Variants in ACOT11 observed in about 807,000 individuals in gnomAD.
ACOT11 encodes acyl-coenzyme A thioesterase 11.
A neutral mutation model predicts 77.5 loss-of-function variants in ACOT11; 69 were observed. That is an observed-to-expected ratio of 0.89 (90% CI 0.73 to 1.09). The LOEUF (loss-of-function observed/expected upper bound fraction) is 1.09. Ranked by LOEUF, ACOT11 falls within the 50% of genes least tolerant of loss-of-function variation. The probability of loss-of-function intolerance (pLI) is 0.00; values close to 1 mark genes in which losing one functional copy is unlikely to be tolerated. For missense variants in ACOT11, 766 were observed against 813.7 expected (o/e 0.94, Z 0.71); for synonymous variants, 279 against 313.0 (o/e 0.89, Z 1.15).
rs970574007 is a variant in ACOT11, at chr1:54,623,551, G to T, written c.1630-7183G>T. On this transcript the variant is annotated intron_variant, in intron 15 of 16. Coordinates refer to the ACOT11 transcript ENST00000371316. Reference sequence around the variant, plus strand: ...GCAGCCCTGTAATATCCCCTCTGGAGATAACCCCTGAAGCCCCTCCTCCCT... The same window carrying T: ...GCAGCCCTGTAATATCCCCTCTGGATATAACCCCTGAAGCCCCTCCTCCCT... The T allele has an allele frequency of 4.6e-6, 3 of 649,264 alleles. No homozygotes were observed. The African/African-American group carries it at 5.4e-5, about 12-fold the overall frequency. The allele number at this position is 649,264 out of a possible 1,614,324, so 40.2% of individuals were successfully genotyped here.
Position 54,584,599 on chromosome 1 carries a change from G to A in ACOT11, c.34-56G>A. The A allele has an allele frequency of 6.5e-7, 1 of 1,537,714 alleles. No homozygotes were observed. Among genetic ancestry groups the A allele is most frequent in the Non-Finnish European group, 8.9e-7 (1 of 1,126,714 alleles). ...AGTTCTCAGGGCTGGACAGACCTGG[G>A]AGACCCTGCAGCAAGCAGACCTCTC... On this transcript the variant is annotated intron_variant, in intron 1 of 15. Transcript: ENST00000343744. The surrounding 1 kb of genome is among the most constrained non-coding windows in gnomAD (Gnocchi z 6.3).
At chr1:54,557,099 AT>A (rs1013094207) in intron 1 of ACOT11, among the ~76,000 whole-genome samples, 1 of 151,638 alleles carries the variant, frequency 6.6e-6, no homozygotes, top group Non-Finnish European at 1.5e-5. Flanking sequence ...ATTAAAAAAA[AT>A]TTTTATACTT....
intron 15 of ACOT11, among the ~76,000 whole-genome samples, chr1:54,620,845 C>CAA (rs767625864): frequency 0.047 from 565 of 12,092 alleles, 110 homozygotes; most frequent in African/African-American, 0.13. Flanking sequence ...GAGACTCTGT[C>CAA]AAAAAAAAAA....
intron 1 of ACOT11, among the ~76,000 whole-genome samples, chr1:54,563,031 G>C (rs1467494934): frequency 1.3e-5 from 2 of 150,576 alleles, no homozygotes; most frequent in Non-Finnish European, 1.5e-5. Flanking sequence ...CTGCAATCTC[G>C]GCACTTTGGG....
intron 1 of ACOT11, among the ~76,000 whole-genome samples, chr1:54,569,596 T>C (rs300279): frequency 0.56 from 85,137 of 151,944 alleles, 23,904 homozygotes; most frequent in South Asian, 0.58. Flanking sequence ...CGAAATGCAC[T>C]CCCTTCACCC....
At chr1:54,572,538 T>G (rs1009499578) in intron 1 of ACOT11, among the ~76,000 whole-genome samples, 5 of 152,224 alleles carry the variant, frequency 3.3e-5, no homozygotes, top group Admixed American at 2.6e-4. Flanking sequence ...ACATGGGTTC[T>G]GTACTGGGTG....
chr1:54,555,637 A>C (rs1435855747), intron 1 of ACOT11, among the ~76,000 whole-genome samples: 1 of 152,226 alleles, frequency 6.6e-6, no homozygotes, highest in African/African-American at 2.4e-5. Context: ...CCCTATCCAA[A>C]AAATTCTTAC....
intron 1 of ACOT11, chr1:54,548,637 C>T (rs1652958326): frequency 3.9e-6 from 2 of 514,812 alleles, no homozygotes; most frequent in Non-Finnish European, 6.9e-6. Flanking sequence ...TATGTTTCTC[C>T]CTGCAGAGTT....
chr1:54,580,949 A>G (rs775863612), intron 1 of ACOT11, among the ~76,000 whole-genome samples: 2 of 152,176 alleles, frequency 1.3e-5, no homozygotes, highest in Non-Finnish European at 2.9e-5. Flanking sequence ...GGAAACGTAT[A>G]TGGTCTGGAG....
chr1:54,634,319 G>A (rs890526224), intron 16 of ACOT11, among the ~76,000 whole-genome samples: 1 of 152,200 alleles, frequency 6.6e-6, no homozygotes, highest in African/African-American at 2.4e-5. Context: ...TTTTACAGAT[G>A]GGTCTAGTAA....
At chr1:54,572,318 A>C (rs1653953875) in intron 1 of ACOT11, among the ~76,000 whole-genome samples, 1 of 151,936 alleles carries the variant, frequency 6.6e-6, no homozygotes, top group African/African-American at 2.4e-5. Context: ...CTCCAGGGTA[A>C]ACAGAGTTGC....
chr1:54,611,700 C>T, downstream of ACOT11: 1 of 1,614,142 alleles, frequency 6.2e-7, no homozygotes, highest in African/African-American at 1.3e-5. Flanking sequence ...GCAGATCTTC[C>T]ACCGACATGG....
intron 1 of ACOT11, among the ~76,000 whole-genome samples, chr1:54,568,081 G>A (rs532148384): frequency 7.2e-5 from 11 of 152,218 alleles, no homozygotes; most frequent in African/African-American, 2.6e-4. Context: ...TCTGACAGCC[G>A]GTCCCTGCGC....
At chr1:54,586,862 C>T (rs1344690455) in intron 3 of ACOT11, among the ~76,000 whole-genome samples, 6 of 152,188 alleles carry the variant, frequency 3.9e-5, no homozygotes, top group Non-Finnish European at 8.8e-5. Flanking sequence ...CAGGCTGAGC[C>T]CTCAGCCCAG....
chr1:54,606,696 C>T (rs1644030155), intron 13 of ACOT11, among the ~76,000 whole-genome samples: 1 of 152,230 alleles, frequency 6.6e-6, no homozygotes, highest in Admixed American at 6.5e-5. Context: ...GCATTTAGAA[C>T]AGCACCTGGC....
chr1:54,593,726 C>G (rs1004079500), intron 4 of ACOT11, among the ~76,000 whole-genome samples: 23 of 152,104 alleles, frequency 1.5e-4, no homozygotes, highest in African/African-American at 5.6e-4. Flanking sequence ...AACTGAGACC[C>G]AGAGAAGGGA....
At chr1:54,576,736 A>T (rs1299743864) in intron 1 of ACOT11, among the ~76,000 whole-genome samples, 1 of 152,130 alleles carries the variant, frequency 6.6e-6, no homozygotes, top group Non-Finnish European at 1.5e-5. Context: ...TAGCTTGATT[A>T]ATTTTGTGAG....
At chr1:54,617,119 C>A (rs752414763) in intron 15 of ACOT11, among the ~76,000 whole-genome samples, 13 of 152,354 alleles carry the variant, frequency 8.5e-5, no homozygotes, top group Non-Finnish European at 1.9e-4. Context: ...ACTGAGTTAT[C>A]TTTTAGCTTC....
At chr1:54,585,939 C>A in intron 3 of ACOT11, 35 bp downstream of exon 3, 1 of 1,607,884 alleles carries the variant, frequency 6.2e-7, no homozygotes, top group Non-Finnish European at 8.5e-7. Context: ...GTCCTCTGGG[C>A]TCCCTCCCAT....
Sources: allele counts gnomAD v4.1 joint callset (sites outside exome capture counted in the v4.1 genomes callset), GRCh38; gene constraint gnomAD v4.1.1; non-coding constraint Gnocchi (gnomAD v3.1); transcripts MANE v1.5; gene names NCBI Gene and HGNC (gene_info 2026-07-23, HGNC 2026-07-21).